HDAC9: variants seen among roughly 807,000 people sequenced by gnomAD.
HDAC9 encodes histone deacetylase 9.
HDAC9 carries 41 observed loss-of-function variants against 139.4 expected under a neutral mutation model. The ratio of observed to expected loss-of-function variants is 0.29; its 90% CI spans 0.23 to 0.38. The LOEUF (loss-of-function observed/expected upper bound fraction) is 0.38, where lower values mean the gene tolerates loss of function less well. Among genes scored for constraint, HDAC9 ranks in the 10% least tolerant of loss-of-function variants. The pLI, the probability that HDAC9 is intolerant of heterozygous loss-of-function variation, is 1.00. For synonymous variants in HDAC9, 517 were observed against 476.2 expected (o/e 1.09, Z -1.12); for missense variants, 1,147 against 1,297.0 (o/e 0.88, Z 1.78).
chr7:18,757,012 G>A (rs1788940000), intron 14 of HDAC9, among the ~76,000 whole-genome samples: 1 of 152,014 alleles, frequency 6.6e-6, no homozygotes, highest in African/African-American at 2.4e-5. Context: ...GTTGGTTGGA[G>A]CATTTTAAAA....
intron 22 of HDAC9, among the ~76,000 whole-genome samples, chr7:18,912,183 C>G (rs1032409983): frequency 2.0e-5 from 3 of 151,856 alleles, no homozygotes; most frequent in African/African-American, 7.3e-5. Flanking sequence ...TGGGTATTTA[C>G]AATTGTTAAA....
chr7:18,492,360 T>C (rs1796433507), upstream of HDAC9, among the ~76,000 whole-genome samples: 1 of 151,968 alleles, frequency 6.6e-6, no homozygotes, highest in Non-Finnish European at 1.5e-5. Context: ...GGAAATATTT[T>C]GGTGCCATAC....
intron 22 of HDAC9, among the ~76,000 whole-genome samples, chr7:18,902,193 C>T (rs1217183037): frequency 6.6e-6 from 1 of 152,176 alleles, no homozygotes; most frequent in African/African-American, 2.4e-5. Context: ...TGGGAACATG[C>T]ACTAATGCTG....
rs144148678 is a variant in HDAC9, at chr7:18,312,956, A to G, written c.-42+22441A>G. Among the ~76,000 whole-genome samples the G allele has an allele frequency of 6.2e-3, 937 of 152,238 alleles. 10 individuals carry two copies. The highest frequency in any genetic ancestry group is 0.021 in the African/African-American group (881 of 41,554). ...TTTCTCTGAAAGTTCTAGCTACTTT[A>G]TTCTCCATAGCCCTTAAAAACTTTT... On this transcript the variant is annotated intron_variant, in intron 1 of 3. Coordinates refer to the HDAC9 transcript ENST00000413509.
chr7:18,129,564 G>A (rs1197770258), intron 1 of HDAC9, among the ~76,000 whole-genome samples: 2 of 152,092 alleles, frequency 1.3e-5, no homozygotes, highest in Non-Finnish European at 2.9e-5. Context: ...TAAAACCTGA[G>A]GAAAGCAGAA....
chr7:18,860,731 A>T (rs1798042126), intron 21 of HDAC9, among the ~76,000 whole-genome samples: 1 of 152,210 alleles, frequency 6.6e-6, no homozygotes, highest in Admixed American at 6.6e-5. Flanking sequence ...TAAGGTAGGC[A>T]TAAGATAAAA....
At chr7:18,916,494 G>T (rs562020275) in intron 22 of HDAC9, among the ~76,000 whole-genome samples, 58 of 152,076 alleles carry the variant, frequency 3.8e-4, no homozygotes, top group African/African-American at 1.3e-3. Context: ...AGAGATAGAA[G>T]CTATTGGGCT....
In HDAC9 at chr7:18,100,704, T is replaced by C. The variant is rs1398700893; in HGVS notation, c.-97+13491T>C. Reference sequence around the variant, plus strand: ...TAATGACCTTGTTTGCAAATTCTAATGTCTTTTTTAGTTCTTGGTCAATTT... The same window carrying C: ...TAATGACCTTGTTTGCAAATTCTAACGTCTTTTTTAGTTCTTGGTCAATTT... On this transcript the variant is annotated intron_variant, in intron 1 of 12. Coordinates refer to the HDAC9 transcript ENST00000417496. 2.0e-5 allele frequency among the ~76,000 whole-genome samples: 3 copies of C among 152,334 alleles called. No homozygotes were observed. In the South Asian group the frequency reaches 6.2e-4, roughly 32 times the overall value.
intron 1 of HDAC9, among the ~76,000 whole-genome samples, chr7:18,450,120 A>C (rs1053737826): frequency 2.0e-5 from 3 of 152,218 alleles, no homozygotes; most frequent in Non-Finnish European, 4.4e-5. Flanking sequence ...TAAGATATCA[A>C]TGCCTGGCAA....
chr7:18,137,672 A>T (rs962506972), intron 1 of HDAC9, among the ~76,000 whole-genome samples: 53 of 151,256 alleles, frequency 3.5e-4, no homozygotes, highest in Non-Finnish European at 6.5e-4. Flanking sequence ...ATCATGGTGG[A>T]TAAGCTTTTT....
intron 11 of HDAC9, among the ~76,000 whole-genome samples, chr7:18,665,370 T>C (rs1296611231): frequency 2.6e-5 from 4 of 152,138 alleles, no homozygotes; most frequent in Non-Finnish European, 5.9e-5. Flanking sequence ...CTTGAGACTT[T>C]TTCCCCATTT....
chr7:18,721,464 T>A (rs1785138916), intron 12 of HDAC9, among the ~76,000 whole-genome samples: 1 of 152,238 alleles, frequency 6.6e-6, no homozygotes, highest in Non-Finnish European at 1.5e-5. Flanking sequence ...AAACTATTTG[T>A]ACTAAATGTT....
chr7:18,538,271 G>GT (rs1360977768), intron 2 of HDAC9, among the ~76,000 whole-genome samples: 3 of 152,128 alleles, frequency 2.0e-5, no homozygotes, highest in Middle Eastern at 3.2e-3. Flanking sequence ...GACAGGTCCT[G>GT]TTTATCAGTT....
At chr7:18,515,445 G>T (rs1289747234) in intron 2 of HDAC9, among the ~76,000 whole-genome samples, 1 of 152,082 alleles carries the variant, frequency 6.6e-6, no homozygotes, top group African/African-American at 2.4e-5. Context: ...CTCCTACAGC[G>T]TTAGACATAT....
chr7:18,216,024 T>G (rs1792281886), intron 2 of HDAC9, among the ~76,000 whole-genome samples: 2 of 152,188 alleles, frequency 1.3e-5, no homozygotes, highest in South Asian at 2.1e-4. Context: ...CACCCTTCCT[T>G]TCTTTTTTCA....
At chr7:18,666,178 T>C in intron 11 of HDAC9, 35 bp from the exon 12 acceptor site, 3 of 1,554,658 alleles carry the variant, frequency 1.9e-6, no homozygotes, top group Non-Finnish European at 2.6e-6. Context: ...CATGAAGAAC[T>C]ACTGAATTTT....
chr7:18,789,280 A>G (rs1792089829), intron 16 of HDAC9, among the ~76,000 whole-genome samples: 1 of 88,730 alleles, frequency 1.1e-5, no homozygotes, highest in Admixed American at 1.2e-4. Context: ...ACGCAGACAC[A>G]TACACGCACA....
intron 1 of HDAC9, among the ~76,000 whole-genome samples, chr7:18,488,173 T>A (rs1051708712): frequency 2.6e-5 from 4 of 152,044 alleles, no homozygotes; most frequent in African/African-American, 9.7e-5. Flanking sequence ...GAGCTTTCCA[T>A]TAAGTTTCTG....
rs1057440075 is a variant in HDAC9 at position 18,663,286 on chromosome 7, T to C, written c.1468-2927T>C. ...GACAAAACCATTGGAGGTTAGGAGG[T>C]TGAGACACTGAGAGGCCATGTTGTG... On this transcript the variant is annotated intron_variant, in intron 11 of 25. Transcript: ENST00000686413. 2.0e-5 allele frequency among the ~76,000 whole-genome samples: 3 copies of C among 151,948 alleles called. No homozygotes were observed. In the East Asian group the frequency reaches 5.8e-4, roughly 30 times the overall value.
Sources: allele counts gnomAD v4.1 joint callset (sites outside exome capture counted in the v4.1 genomes callset), GRCh38; gene constraint gnomAD v4.1.1; transcripts MANE v1.5; gene names NCBI Gene and HGNC (gene_info 2026-07-23, HGNC 2026-07-21).